Variants in SLC44A2 observed in about 807,000 individuals in gnomAD.
SLC44A2 encodes the protein choline transporter-like protein 2.
A neutral mutation model predicts 90.8 loss-of-function variants in SLC44A2; 57 were observed. The ratio of observed to expected loss-of-function variants is 0.63; its 90% CI spans 0.51 to 0.78. The LOEUF (loss-of-function observed/expected upper bound fraction) is 0.78, where lower values mean the gene tolerates loss of function less well. Among genes scored for constraint, SLC44A2 ranks in the 30% least tolerant of loss-of-function variants. SLC44A2 has a pLI of 0.00. For synonymous variants in SLC44A2, 355 were observed against 360.7 expected, an observed-to-expected ratio of 0.98 and a Z score of 0.18; for missense variants, 794 against 919.7, an observed-to-expected ratio of 0.86 and a Z score of 1.77.
Position 10,643,626 on chromosome 19 carries a change from A to C in SLC44A2, c.*241A>C. The C allele has an allele frequency of 1.1e-5, 4 of 378,146 alleles. No homozygotes were observed. Among genetic ancestry groups the C allele is most frequent in the Non-Finnish European group, 1.9e-5 (4 of 207,392 alleles). 23.4% of individuals were successfully genotyped at this position (378,146 alleles called of 1,614,324 possible). A position where few individuals can be genotyped will look rare whatever the true frequency, so the allele number is the denominator to read the frequency against. On this transcript the variant is annotated 3_prime_UTR_variant, in exon 22 of 22. Coordinates refer to ENST00000335757, the MANE Select transcript of SLC44A2 (RefSeq NM_020428.4). ...GACTGCGAGAAACAAGTAAAAACCC[A>C]TTGGGGCCTCTTGATGTCTGGGATG... is the stretch of plus-strand genomic sequence containing the variant.
intron 1 of SLC44A2, among the ~76,000 whole-genome samples, chr19:10,609,188 C>CTGA (rs1918209303): frequency 6.6e-6 from 1 of 151,988 alleles, no homozygotes; most frequent in South Asian, 2.1e-4. Context: ...GAACTCCTGA[C>CTGA]CTTGTGATCT....
chr19:10,605,820 C>A (rs925183311), intron 1 of SLC44A2, among the ~76,000 whole-genome samples: 1 of 151,778 alleles, frequency 6.6e-6, no homozygotes, highest in Non-Finnish European at 1.5e-5. Flanking sequence ...ATGGTGAAAC[C>A]CCGTCTCTAT....
chr19:10,608,102 A>G (rs1437574691), intron 1 of SLC44A2, among the ~76,000 whole-genome samples: 1 of 151,616 alleles, frequency 6.6e-6, no homozygotes, highest in South Asian at 2.1e-4. Flanking sequence ...ATGCACCTGT[A>G]GTCTCAGATA....
At chr19:10,620,342 ATAGT>A (rs2066887151) in intron 1 of SLC44A2, among the ~76,000 whole-genome samples, 1 of 151,988 alleles carries the variant, frequency 6.6e-6, no homozygotes, top group Non-Finnish European at 1.5e-5. Flanking sequence ...TTAGCCTGGC[ATAGT>A]GGTGTGCGCC....
At chr19:10,612,691 C>T (rs1220431250) in intron 1 of SLC44A2, among the ~76,000 whole-genome samples, 5 of 152,194 alleles carry the variant, frequency 3.3e-5, no homozygotes, top group Non-Finnish European at 7.3e-5. Context: ...TGTCCTGGCA[C>T]CAGCACTGTG....
At chr19:10,631,230 C>T (rs765155069) in intron 5 of SLC44A2, 45 bp from the exon 6 acceptor site, 20 of 1,604,846 alleles carry the variant, frequency 1.2e-5, no homozygotes, top group East Asian at 4.5e-5. Context: ...CAGTCCTGAG[C>T]AGTCTGCCCC....
rs761440190 is a variant in SLC44A2 at position 10,631,739 on chromosome 19, G to T, written c.616G>T (p.Glu206Ter). Residue 206 changes from glutamate (E) to a stop codon, truncating the protein, a stop_gained, in exon 8 of 22, where the codon GAG becomes TAG. Coordinates refer to ENST00000335757, the MANE Select transcript of SLC44A2 (RefSeq NM_020428.4). LOFTEE classifies it high-confidence loss of function. ...GSRKNITDLV[E>*]GAKKANGVLE... ...CCGGAAAAACATCACAGACCTGGTG[G>T]AGGGCGCCAAGTGAGGATATTGGCG... 6.2e-7 allele frequency: 1 copy of T among 1,613,350 alleles called. No homozygotes were observed. Among genetic ancestry groups the T allele is most frequent in the Non-Finnish European group, 8.5e-7 (1 of 1,180,044 alleles).
At chr19:10,611,136 G>A (rs1166985560) in intron 1 of SLC44A2, among the ~76,000 whole-genome samples, 1 of 151,862 alleles carries the variant, frequency 6.6e-6, no homozygotes, top group South Asian at 2.1e-4. Context: ...CCTCTGTGCC[G>A]GGCTAGAGAG....
chr19:10,642,634 G>A (rs1283483367), intron 21 of SLC44A2, among the ~76,000 whole-genome samples, 183 bp downstream of exon 21: 3 of 152,084 alleles, frequency 2.0e-5, no homozygotes, highest in Admixed American at 1.3e-4. Context: ...AAGCAGCTCC[G>A]ACCTCCTGTC....
intron 1 of SLC44A2, among the ~76,000 whole-genome samples, chr19:10,607,582 C>A (rs957015121): frequency 6.8e-6 from 1 of 148,022 alleles, no homozygotes; most frequent in African/African-American, 2.5e-5. Flanking sequence ...TCATGAAGTC[C>A]TGGGCTAAAG....
chr19:10,626,905 A>G (rs28860769), intron 2 of SLC44A2, among the ~76,000 whole-genome samples: 125,748 of 151,596 alleles, frequency 0.83, 52,389 homozygotes, highest in African/African-American at 0.92. Context: ...GGCTACTCAG[A>G]AGGCTGAGGC....
intron 1 of SLC44A2, among the ~76,000 whole-genome samples, chr19:10,610,631 CTTTT>C (rs56002726): frequency 2.1e-5 from 1 of 48,010 alleles, no homozygotes; most frequent in Non-Finnish European, 3.7e-5. Flanking sequence ...CCGCGCCTGG[CTTTT>C]TTTTTTTTTT....
At chr19:10,643,085 G>A (rs2067136044) in intron 21 of SLC44A2, 194 bp from the exon 22 acceptor site, 2 of 1,457,730 alleles carry the variant, frequency 1.4e-6, no homozygotes, top group African/African-American at 2.8e-5. Context: ...TGAAGCGGGG[G>A]GGTTCCTGGC....
At chr19:10,605,305 G>A (rs1473287174) in intron 1 of SLC44A2, among the ~76,000 whole-genome samples, 3 of 151,966 alleles carry the variant, frequency 2.0e-5, no homozygotes, top group Non-Finnish European at 2.9e-5. Flanking sequence ...ACCTGAGGTC[G>A]GGAGTTCGAG....
chr19:10,633,719 A>T (rs1021429851), intron 10 of SLC44A2, among the ~76,000 whole-genome samples: 1 of 151,958 alleles, frequency 6.6e-6, no homozygotes, highest in African/African-American at 2.4e-5. Flanking sequence ...GGCCTCCCTA[A>T]GTGTTGGGAT....
chr19:10,612,264 AG>A, intron 1 of SLC44A2, among the ~76,000 whole-genome samples: 1 of 151,936 alleles, frequency 6.6e-6, no homozygotes, highest in South Asian at 2.1e-4. Context: ...CCCATCCACT[AG>A]GGAGTCTGAG....
At position 10,643,562 on chromosome 19, in the gene SLC44A2, T is replaced by C. The variant is rs564044940; in HGVS notation, c.*177T>C. 50 of 697,380 alleles carry C rather than the reference T, an allele frequency of 7.2e-5. No homozygotes were observed. The highest frequency in any genetic ancestry group is 6.6e-4 in the African/African-American group (36 of 54,628). The allele number at this position is 697,380 out of a possible 1,614,324, so 43.2% of individuals were successfully genotyped here. On this transcript the variant is annotated 3_prime_UTR_variant, in exon 22 of 22. Transcript: ENST00000335757. ...GAGAGTCTGGGGCATCTCCTTCTTA[T>C]GCCAAGGGGCGCTTGGAGTTTTCAT... is the stretch of plus-strand genomic sequence containing the variant.
chr19:10,627,701 C>T (rs776193557), intron 2 of SLC44A2, 21 bp from the exon 3 acceptor site: 1 of 1,612,154 alleles, frequency 6.2e-7, no homozygotes, highest in Non-Finnish European at 8.5e-7. Flanking sequence ...CTCCTCCAAA[C>T]ACTGCCCCTC....
chr19:10,620,641 C>G (rs773142902), upstream of SLC44A2, among the ~76,000 whole-genome samples: 13 of 152,024 alleles, frequency 8.6e-5, no homozygotes, highest in Non-Finnish European at 1.9e-4. Flanking sequence ...ATACTGGGGA[C>G]GCAGCCGGAA....
Sources: allele counts gnomAD v4.1 joint callset (sites outside exome capture counted in the v4.1 genomes callset), GRCh38; gene constraint gnomAD v4.1.1; transcripts MANE v1.5; gene names NCBI Gene and HGNC (gene_info 2026-07-23, HGNC 2026-07-21).